The following LYZL2 variants were observed in gnomAD, a reference collection of about 807,000 sequenced individuals.
The protein encoded by LYZL2 is lysozyme like 2.
A neutral mutation model predicts 17.1 loss-of-function variants in LYZL2; 13 were observed. The observed-to-expected ratio is 0.76, with a 90% confidence interval of 0.49 to 1.21. The LOEUF is 1.21. LYZL2 is among the 50% of genes most tolerant of loss of function. The pLI is 0.00. For missense variants in LYZL2, 166 were observed against 189.2 expected, an observed-to-expected ratio of 0.88 and a Z score of 0.72; for synonymous variants, 63 against 74.4, an observed-to-expected ratio of 0.85 and a Z score of 0.79.
chr10:30,616,882 T>C (rs1247975852), intron 3 of LYZL2, among the ~76,000 whole-genome samples: 1 of 18,026 alleles, frequency 5.5e-5, no homozygotes, highest in East Asian at 3.6e-4. Flanking sequence ...TTTTAATTTT[T>C]CTAGTAATTA....
At chr10:30,610,670 C>A (rs1838420689), downstream of LYZL2, among the ~76,000 whole-genome samples, 1 of 152,144 alleles carries the variant, frequency 6.6e-6, no homozygotes, top group East Asian at 1.9e-4. Context: ...TGGCCTCAAG[C>A]AATCTTCCCA....
chr10:30,617,190 C>T (rs114145224), intron 3 of LYZL2, among the ~76,000 whole-genome samples: 241 of 152,160 alleles, frequency 1.6e-3, no homozygotes, highest in African/African-American at 5.5e-3. Context: ...AGAAAGTGCA[C>T]ATTTGTACTG....
At chr10:30,618,463 G>T (rs1838569425) in intron 3 of LYZL2, among the ~76,000 whole-genome samples, 1 of 152,144 alleles carries the variant, frequency 6.6e-6, no homozygotes, top group African/African-American at 2.4e-5. Flanking sequence ...GCATGGTACT[G>T]GTACCAAAAC....
At chr10:30,616,456 G>C (rs1268012307) in intron 3 of LYZL2, among the ~76,000 whole-genome samples, 1 of 152,260 alleles carries the variant, frequency 6.6e-6, no homozygotes, top group African/African-American at 2.4e-5. Flanking sequence ...AGGCTGAGGC[G>C]GGCAGATCGC....
At chr10:30,619,316 C>T (rs1403026332) in intron 3 of LYZL2, among the ~76,000 whole-genome samples, 1 of 152,216 alleles carries the variant, frequency 6.6e-6, no homozygotes, top group Non-Finnish European at 1.5e-5. Flanking sequence ...ACGCAGCCAT[C>T]CCATTACTGG....
chr10:30,620,934 GA>G (rs1385870941), intron 3 of LYZL2, among the ~76,000 whole-genome samples: 2 of 151,668 alleles, frequency 1.3e-5, no homozygotes, highest in Non-Finnish European at 2.9e-5. Flanking sequence ...TACAGGGAGG[GA>G]AAAATACTAA....
intron 3 of LYZL2, among the ~76,000 whole-genome samples, chr10:30,623,127 G>A (rs1035960812): frequency 1.3e-5 from 2 of 152,116 alleles, no homozygotes; most frequent in African/African-American, 4.8e-5. Context: ...AAGAATATAT[G>A]CCTAAGAACA....
chr10:30,620,950 C>T lies in LYZL2; in HGVS notation c.298+5155G>A, dbSNP rs78984160. 9.7e-4 allele frequency among the ~76,000 whole-genome samples: 147 copies of T among 151,422 alleles called. No individual in the cohort carries two copies. In the East Asian group the frequency reaches 0.027, roughly 28 times the overall value. The stretch of plus-strand genomic sequence containing the variant: ...ACAGGGAGGGAAAAATACTAAAAAA[C>T]GAGGAACCTCAATGATGAATGGTAC... On this transcript the variant is annotated intron_variant, in intron 3 of 4. Coordinates refer to ENST00000647634, the MANE Select transcript of LYZL2 (RefSeq NM_183058.3).
rs763057856 is a variant in LYZL2, at chr10:30,626,147, C to A, written c.256G>T (p.Gly86Ter). The A allele has an allele frequency of 2.5e-6, 4 of 1,614,220 alleles. No homozygotes were observed. The highest frequency in any genetic ancestry group is 3.4e-6 in the Non-Finnish European group (4 of 1,180,038). The change falls in exon 3 of 5, where the codon GGA becomes TGA. Residue 86 changes from glycine (G) to a stop codon, truncating the protein, a stop_gained. Coordinates refer to ENST00000647634, the MANE Select transcript of LYZL2 (RefSeq NM_183058.3). LOFTEE classifies it high-confidence loss of function. Reference protein sequence around the residue: ...QINSFAWCRRGKLKENNHCHV... With the variant: ...QINSFAWCRR The stretch of plus-strand genomic sequence containing the variant: ...CAGTGGTTGTTCTCCTTCAGCTTTC[C>A]GCGTCTGCACCACGCGAAGCTGTTG...
chr10:30,611,776 G>A (rs59150846), downstream of LYZL2: 126,250 of 947,138 alleles, frequency 0.13, 10,263 homozygotes, highest in East Asian at 0.23. Flanking sequence ...AAAGGGAACC[G>A]AGTCAGGGTG....
rs542456453 is a variant in LYZL2, at chr10:30,625,002, G to A, written c.298+1103C>T. Among the ~76,000 whole-genome samples, 103 of 152,282 alleles carry A rather than the reference G, an allele frequency of 6.8e-4. 1 individual carries two copies. The highest frequency in any genetic ancestry group is 1.2e-3 in the Non-Finnish European group (81 of 68,010). On this transcript the variant is annotated intron_variant, in intron 3 of 4. Transcript: ENST00000647634. The stretch of plus-strand genomic sequence containing the variant: ...GAGTGGTCCCTAGAAGCCTGGAATG[G>A]CCCTTGGGTGACAACCTGCAAGCAA...
chr10:30,619,411 A>C (rs1011602334), intron 3 of LYZL2, among the ~76,000 whole-genome samples: 3 of 152,236 alleles, frequency 2.0e-5, no homozygotes, highest in Non-Finnish European at 4.4e-5. Flanking sequence ...ACAATAGTAA[A>C]GATTTGGAAC....
chr10:30,614,423 A>G (rs1044152872), intron 3 of LYZL2, among the ~76,000 whole-genome samples: 2 of 152,204 alleles, frequency 1.3e-5, no homozygotes, highest in African/African-American at 2.4e-5. Context: ...TCACACGTCA[A>G]TGGGTGTGGG....
At chr10:30,614,405 C>T (rs934347400) in intron 3 of LYZL2, among the ~76,000 whole-genome samples, 1 of 152,220 alleles carries the variant, frequency 6.6e-6, no homozygotes, top group African/African-American at 2.4e-5. Flanking sequence ...GGTCTGAATG[C>T]CTCTGCCTCA....
chr10:30,611,562 G>GAAAGAAAGAAA (rs1564405809), downstream of LYZL2, among the ~76,000 whole-genome samples: 9 of 83,812 alleles, frequency 1.1e-4, no homozygotes, highest in African/African-American at 4.4e-4. Flanking sequence ...AAGGAAGGAA[G>GAAAGAAAGAAA]GAAGGAAGGA....
chr10:30,628,763 G>A (rs140380716), intron 1 of LYZL2, among the ~76,000 whole-genome samples: 496 of 152,290 alleles, frequency 3.3e-3, no homozygotes, highest in African/African-American at 8.4e-3. Flanking sequence ...CCACCGCACC[G>A]AGTAACAAGC....
At chr10:30,616,569 T>C (rs1838531099) in intron 3 of LYZL2, among the ~76,000 whole-genome samples, 1 of 152,252 alleles carries the variant, frequency 6.6e-6, no homozygotes, top group South Asian at 2.1e-4. Flanking sequence ...CTTCTTGAGA[T>C]ATAAATATTT....
intron 3 of LYZL2, among the ~76,000 whole-genome samples, chr10:30,620,865 TA>T (rs35114293): frequency 1.4e-4 from 21 of 146,438 alleles, no homozygotes; most frequent in South Asian, 2.1e-4. Flanking sequence ...AGATTAGCAT[TA>T]AAAAAAAAAG....
rs569620641 is a variant in LYZL2, at chr10:30,617,879, C to T, written c.299-4979G>A. Reference sequence around the variant, plus strand: ...GCATTCAATTAGGAAAAGAGGAAGTCAAATTATCCCTGTTTGCAGATGACA... The same window carrying T: ...GCATTCAATTAGGAAAAGAGGAAGTTAAATTATCCCTGTTTGCAGATGACA... On this transcript the variant is annotated intron_variant, in intron 3 of 4. Transcript: ENST00000647634. Among the ~76,000 whole-genome samples, 74 of 152,042 alleles carry T rather than the reference C, an allele frequency of 4.9e-4. No individual in the cohort carries two copies. In the South Asian group the frequency reaches 0.015, roughly 31 times the overall value.
Sources: allele counts gnomAD v4.1 joint callset (sites outside exome capture counted in the v4.1 genomes callset), GRCh38; gene constraint gnomAD v4.1.1; transcripts MANE v1.5; gene names NCBI Gene and HGNC (gene_info 2026-07-23, HGNC 2026-07-21).